The following ABRAXAS1 variants were observed in gnomAD, a reference collection of about 807,000 sequenced individuals.
ABRAXAS1 encodes the protein abraxas 1, BRCA1 A complex subunit.
Under a neutral mutation model 38.4 loss-of-function variants are expected in ABRAXAS1, and 26 were observed. The observed-to-expected ratio is 0.68, with a 90% CI of 0.50 to 0.94. The LOEUF (loss-of-function observed/expected upper bound fraction) is 0.94. ABRAXAS1 is among the 40% of genes least tolerant of loss of function. The pLI, the probability that ABRAXAS1 is intolerant of heterozygous loss-of-function variation, is 0.00. For missense variants in ABRAXAS1, 438 were observed against 481.9 expected (o/e 0.91, Z 0.85); for synonymous variants, 144 against 165.5 (o/e 0.87, Z 1.00).
intron 6 of ABRAXAS1, among the ~76,000 whole-genome samples, chr4:83,467,909 G>C (rs910649839): frequency 3.9e-5 from 6 of 152,124 alleles, no homozygotes; most frequent in African/African-American, 1.4e-4. Flanking sequence ...ACCTTTACTT[G>C]AAAGAGACAT....
intron 6 of ABRAXAS1, among the ~76,000 whole-genome samples, chr4:83,467,898 T>A (rs987482028): frequency 2.0e-5 from 3 of 152,200 alleles, no homozygotes; most frequent in African/African-American, 7.2e-5. Context: ...GAATTCAAGT[T>A]ACCTTTACTT....
intron 2 of ABRAXAS1, chr4:83,478,797 T>C (rs1722878050): frequency 6.4e-6 from 1 of 155,884 alleles, no homozygotes; most frequent in Admixed American, 6.3e-5. Context: ...GCTATATATA[T>C]TATAGACCTC....
rs1031386065 is a variant in ABRAXAS1, at chr4:83,476,663, A to T, written c.195T>A (p.Ile65=). ...VVYTIDIQKY[I]PCYQLFSFYN... Reference sequence around the variant, plus strand: ...CTTACCTAAAAAGCTGATAGCATGGAATATATTTCTGAATGTCTGGAAGAA... The same window carrying T: ...CTTACCTAAAAAGCTGATAGCATGGTATATATTTCTGAATGTCTGGAAGAA... The change falls in exon 3 of 9, where the codon ATT becomes ATA. Residue 65 remains isoleucine (I), a synonymous_variant. Coordinates refer to ENST00000321945, the MANE Select transcript of ABRAXAS1 (RefSeq NM_139076.3). 1.9e-6 allele frequency: 3 copies of T among 1,569,044 alleles called. No individual in the cohort carries two copies. In the African/African-American group the frequency reaches 4.1e-5, roughly 21 times the overall value.
chr4:83,476,051 A>G (rs779477109), intron 3 of ABRAXAS1, among the ~76,000 whole-genome samples: 13 of 152,154 alleles, frequency 8.5e-5, no homozygotes, highest in Non-Finnish European at 1.5e-4. Flanking sequence ...AAATATAAAA[A>G]TTAGCTGGGT....
At chr4:83,479,505 A>C (rs1722905768) in intron 2 of ABRAXAS1, 1 of 152,060 alleles carries the variant, frequency 6.6e-6, no homozygotes. Flanking sequence ...CAGCTAGTCT[A>C]CCTCCAGGAG....
rs114331681 is a variant in ABRAXAS1 at position 83,476,967 on chromosome 4, A to G, written c.179-288T>C. ...TATATTTCCTCTAAATAACGGTCTA[A>G]TAAGTCCAACACAAAAGATAAATTC... is the stretch of plus-strand genomic sequence containing the variant. On this transcript the variant is annotated intron_variant, in intron 2 of 8. Transcript: ENST00000321945. Among the ~76,000 whole-genome samples, 645 of 152,342 alleles carry G rather than the reference A, an allele frequency of 4.2e-3. 7 individuals carry two copies. Among genetic ancestry groups the G allele is most frequent in the African/African-American group, 0.014 (598 of 41,580 alleles).
intron 3 of ABRAXAS1, among the ~76,000 whole-genome samples, chr4:83,475,399 C>T (rs1722728193): frequency 6.6e-6 from 1 of 152,138 alleles, no homozygotes; most frequent in African/African-American, 2.4e-5. Context: ...TCTTATATAA[C>T]TTTAAAGATG....
chr4:83,470,542 A>C (rs996716972), intron 4 of ABRAXAS1, 146 bp from the exon 5 acceptor site: 5 of 548,988 alleles, frequency 9.1e-6, no homozygotes, highest in Non-Finnish European at 1.6e-5. Flanking sequence ...AATACATTTA[A>C]TCATATGCTT....
intron 3 of ABRAXAS1, among the ~76,000 whole-genome samples, chr4:83,475,117 T>C (rs749697090): frequency 7.2e-5 from 11 of 152,230 alleles, no homozygotes; most frequent in Admixed American, 2.0e-4. Flanking sequence ...AGTCTAATTA[T>C]TAATGTGGTT....
intron 2 of ABRAXAS1, chr4:83,479,620 G>A (rs1337604201): frequency 6.6e-6 from 1 of 152,098 alleles, no homozygotes; most frequent in African/African-American, 2.4e-5. Flanking sequence ...ATCATTCTTA[G>A]ATGGTTAAAA....
At chr4:83,479,086 G>T (rs932205735) in intron 2 of ABRAXAS1, 2 of 152,150 alleles carry the variant, frequency 1.3e-5, no homozygotes, top group East Asian at 1.9e-4. Context: ...AAGATTAAAA[G>T]ATTTGATAAT....
At chr4:83,468,874 CA>C (rs1179387615) in intron 6 of ABRAXAS1, among the ~76,000 whole-genome samples, 157 bp downstream of exon 6, 2 of 152,012 alleles carry the variant, frequency 1.3e-5, no homozygotes, top group Non-Finnish European at 2.9e-5. Context: ...TGTAAGTACA[CA>C]AGCAGTAACA....
At position 83,460,963 on chromosome 4, in the gene ABRAXAS1, T is replaced by A. The variant is rs1560568946; in HGVS notation, c.*1506A>T. The A allele has an allele frequency of 1.9e-6, 3 of 1,587,604 alleles. No individual in the cohort carries two copies. The highest frequency in any genetic ancestry group is 2.6e-6 in the Non-Finnish European group (3 of 1,172,920). ...ATTTTTTATGAATAAGAAAGCTTTT[T>A]ATTTTACAGGTCTTTGTGGGAAGAA... On this transcript the variant is annotated 3_prime_UTR_variant, in exon 9 of 9. Coordinates refer to ENST00000321945, the MANE Select transcript of ABRAXAS1 (RefSeq NM_139076.3).
intron 8 of ABRAXAS1, 70 bp from the exon 9 acceptor site, chr4:83,462,972 T>G (rs1722197312): frequency 9.9e-7 from 1 of 1,006,616 alleles, no homozygotes; most frequent in Non-Finnish European, 1.4e-6. Flanking sequence ...TAACTATTTG[T>G]AAGTAAAATT....
At chr4:83,484,337 A>T (rs1723101139) in intron 1 of ABRAXAS1, among the ~76,000 whole-genome samples, 1 of 152,260 alleles carries the variant, frequency 6.6e-6, no homozygotes, top group South Asian at 2.1e-4. Flanking sequence ...GCTACAGGAC[A>T]TTAACTACTT....
chr4:83,466,765 C>G (rs1179296534), intron 7 of ABRAXAS1: 1 of 152,224 alleles, frequency 6.6e-6, no homozygotes, highest in Non-Finnish European at 1.5e-5. Flanking sequence ...TCTCGATCTC[C>G]TGATCTCGTG....
chr4:83,484,926 C>T, intron 1 of ABRAXAS1, 60 bp downstream of exon 1: 1 of 1,428,258 alleles, frequency 7.0e-7, no homozygotes, highest in Non-Finnish European at 9.5e-7. Context: ...AGCGGGGAGG[C>T]AGGCCGCGCG....
intron 3 of ABRAXAS1, among the ~76,000 whole-genome samples, chr4:83,475,442 T>G (rs1722730095): frequency 6.6e-6 from 1 of 152,208 alleles, no homozygotes; most frequent in African/African-American, 2.4e-5. Flanking sequence ...ATAGTTATGC[T>G]GATTTTTCTT....
intron 2 of ABRAXAS1, chr4:83,479,518 T>A (rs1668767633): frequency 1.3e-5 from 2 of 151,888 alleles, no homozygotes; most frequent in South Asian, 4.1e-4. Context: ...TCCAGGAGTG[T>A]GACTTTCAAA....
Sources: allele counts gnomAD v4.1 joint callset (sites outside exome capture counted in the v4.1 genomes callset), GRCh38; gene constraint gnomAD v4.1.1; transcripts MANE v1.5; gene names NCBI Gene and HGNC (gene_info 2026-07-23, HGNC 2026-07-21).